The following SDS variants were observed in gnomAD, a reference collection of about 807,000 sequenced individuals.
SDS encodes the protein L-serine dehydratase/L-threonine deaminase.
In SDS, 19 loss-of-function variants were observed where a neutral mutation model predicts 29.3. The ratio of observed to expected loss-of-function variants is 0.65; its 90% CI spans 0.45 to 0.95. The LOEUF (loss-of-function observed/expected upper bound fraction) is 0.95. Ranked by LOEUF, SDS falls within the 40% of genes least tolerant of loss-of-function variation. The probability of loss-of-function intolerance (pLI) is 0.00; values close to 1 mark genes in which losing one functional copy is unlikely to be tolerated. For synonymous variants in SDS, 176 were observed against 189.0 expected, an observed-to-expected ratio of 0.93 and a Z score of 0.56; for missense variants, 375 against 439.9, an observed-to-expected ratio of 0.85 and a Z score of 1.32.
intron 1 of SDS, 68 bp from the exon 2 acceptor site, chr12:113,399,778 T>C (rs1224045253): frequency 7.3e-7 from 1 of 1,374,860 alleles, no homozygotes; most frequent in Middle Eastern, 2.7e-4. Flanking sequence ...GCCAGAGTGA[T>C]CCCTTCCTTC....
chr12:113,397,676 C>T (rs534247653), intron 5 of SDS, among the ~76,000 whole-genome samples: 5 of 152,286 alleles, frequency 3.3e-5, no homozygotes, highest in South Asian at 2.1e-4. Context: ...TCCCAGGGGG[C>T]GGGAAACTGC....
At chr12:113,400,379 A>G (rs1406662601) in intron 1 of SDS, among the ~76,000 whole-genome samples, 1 of 151,896 alleles carries the variant, frequency 6.6e-6, no homozygotes, top group Non-Finnish European at 1.5e-5. Context: ...AGGCTGAGGG[A>G]GGAGCATCAC....
chr12:113,403,832 T>C lies in SDS; in HGVS notation c.-67A>G, dbSNP rs56085361. On this transcript the variant is annotated 5_prime_UTR_variant, in exon 1 of 8. Coordinates refer to ENST00000257549, the MANE Select transcript of SDS (RefSeq NM_006843.3). ...GCCAGCGAGGGAGGGATCAACTGAG[T>C]AGATAGCCCACGAAGAGAGGGGGCT... 121 of 152,410 alleles carry C rather than the reference T, an allele frequency of 7.9e-4. No homozygotes were observed. The highest frequency in any genetic ancestry group is 1.5e-3 in the Non-Finnish European group (103 of 68,290). The allele number at this position is 152,410 out of a possible 1,614,324, so 9.4% of individuals were successfully genotyped here. A position where few individuals can be genotyped will look rare whatever the true frequency, so the allele number is the denominator to read the frequency against.
At position 113,399,589 on chromosome 12, in the gene SDS, G is replaced by A. The variant is rs753984744; in HGVS notation, c.120C>T (p.Phe40=). The A allele has an allele frequency of 1.8e-5, 29 of 1,601,394 alleles. 1 individual carries two copies. In the South Asian group the frequency reaches 3.3e-4, roughly 18 times the overall value. The change falls in exon 2 of 8, where the codon TTC becomes TTT. Residue 40 remains phenylalanine, a synonymous_variant. Coordinates refer to ENST00000257549, the MANE Select transcript of SDS (RefSeq NM_006843.3). ...KMDSAQPSGS[F]KIRGIGHFCK... ...AGAAGTGCCCAATGCCCCGGATCTT[G>A]AAGGAGCCGGAGGGCTGGGCACTGT...
At chr12:113,396,539 TCTCTC>T (rs1957646785) in intron 6 of SDS, 4 of 78,284 alleles carry the variant, frequency 5.1e-5, no homozygotes, top group African/African-American at 2.0e-4. Context: ...CCTCCCTCCC[TCTCTC>T]CCTTCCTTCC....
intron 7 of SDS, 98 bp downstream of exon 7, chr12:113,393,794 G>C: frequency 3.9e-6 from 6 of 1,521,836 alleles, no homozygotes; most frequent in Non-Finnish European, 5.4e-6. Flanking sequence ...AACTGTGAAG[G>C]AAACTTGGGG....
chr12:113,396,445 CTT>C (rs1174116833), intron 6 of SDS, among the ~76,000 whole-genome samples: 2 of 142,908 alleles, frequency 1.4e-5, no homozygotes, highest in East Asian at 2.1e-4. Context: ...CTTTCTTTTT[CTT>C]TCTCTCTTTC....
intron 6 of SDS, chr12:113,396,621 C>T (rs1957649052): frequency 7.5e-6 from 1 of 133,854 alleles, no homozygotes; most frequent in African/African-American, 2.8e-5. Context: ...CTCCCTCCCT[C>T]CCTCTCTCCC....
chr12:113,394,335 G>GTTGTTTT (rs766511468), intron 6 of SDS, among the ~76,000 whole-genome samples: 1 of 142,808 alleles, frequency 7.0e-6, no homozygotes, highest in Admixed American at 6.9e-5. Flanking sequence ...TTTTTTTGTT[G>GTTGTTTT]TTTTTTTGTT....
rs765950346 is a variant in SDS at position 113,397,149 on chromosome 12, C to A, written c.653+16G>T. The A allele has an allele frequency of 6.2e-7, 1 of 1,610,894 alleles. No individual in the cohort carries two copies. The highest frequency in any genetic ancestry group is 1.7e-5 in the Admixed American group (1 of 59,982). On this transcript the variant is annotated intron_variant, in intron 6 of 7. Transcript: ENST00000257549. Reference sequence around the variant, plus strand: ...GTGCTTGCTGGACACCCGAGGGAGGCACCCCAGCTGCTCACCTGGTGATCT... The same window carrying A: ...GTGCTTGCTGGACACCCGAGGGAGGAACCCCAGCTGCTCACCTGGTGATCT...
At position 113,397,200 on chromosome 12, in the gene SDS, G is replaced by A. The variant is rs780262006; in HGVS notation, c.618C>T (p.Thr206=). 1.4e-5 allele frequency: 22 copies of A among 1,614,068 alleles called. No homozygotes were observed. The highest frequency in any genetic ancestry group is 2.2e-5 in the East Asian group (1 of 44,900). Residue 206 remains threonine, a synonymous_variant, in exon 6 of 8, where the codon ACC becomes ACT. Transcript: ENST00000257549. ...FGAHSFHAAT[T]AGKLVSLPKI... is the part of the protein sequence containing the mutation. ...TGGGCAGGGAGACAAGTTTGCCTGC[G>A]GTGGTGGCAGCGTGGAAGCTGTGGG...
chr12:113,401,321 TATTA>T (rs1957683456), intron 1 of SDS, among the ~76,000 whole-genome samples: 1 of 152,244 alleles, frequency 6.6e-6, no homozygotes, highest in African/African-American at 2.4e-5. Flanking sequence ...CTTTCATAAT[TATTA>T]ATTTTGTCAT....
At chr12:113,394,047 G>A (rs376262267) in intron 6 of SDS, 31 bp from the exon 7 acceptor site, 2 of 1,611,952 alleles carry the variant, frequency 1.2e-6, no homozygotes, top group African/African-American at 2.7e-5. Context: ...GAAGAGGATG[G>A]GAGTGGGGGA....
rs1957667019 is a variant in SDS at position 113,398,948 on chromosome 12, C to T, written c.194-102G>A. Reference sequence around the variant, plus strand: ...GGGGGCTCTGGAGTTCCCCCCTCACCTCCCCACCCTGGGCGACTGCTGGCC... The same window carrying T: ...GGGGGCTCTGGAGTTCCCCCCTCACTTCCCCACCCTGGGCGACTGCTGGCC... On this transcript the variant is annotated intron_variant, in intron 3 of 7. Coordinates refer to ENST00000257549, the MANE Select transcript of SDS (RefSeq NM_006843.3). 9.2e-6 allele frequency: 14 copies of T among 1,523,582 alleles called. No homozygotes were observed. The South Asian group carries it at 1.6e-4, about 17-fold the overall frequency. 94.4% of individuals were successfully genotyped at this position (1,523,582 alleles called of 1,614,324 possible). A position where few individuals can be genotyped will look rare whatever the true frequency, so the allele number is the denominator to read the frequency against.
At chr12:113,399,805 A>G in intron 1 of SDS, 95 bp from the exon 2 acceptor site, 1 of 1,273,556 alleles carries the variant, frequency 7.9e-7, no homozygotes. Context: ...CAGCAAGCCA[A>G]GCAAGGCCTC....
chr12:113,399,738 G>A (rs1229390246), intron 1 of SDS, 28 bp from the exon 2 acceptor site: 4 of 1,519,302 alleles, frequency 2.6e-6, no homozygotes, highest in Admixed American at 2.1e-5. Context: ...AACCCAGAGG[G>A]TTAGGAGAGC....
chr12:113,396,010 A>T (rs1391968081), intron 6 of SDS, among the ~76,000 whole-genome samples: 1 of 152,170 alleles, frequency 6.6e-6, no homozygotes, highest in Non-Finnish European at 1.5e-5. Context: ...GAGGCAGGAG[A>T]ATCGCTTGAA....
chr12:113,393,204 G>C, intron 7 of SDS, 55 bp from the exon 8 acceptor site: 33 of 1,532,828 alleles, frequency 2.2e-5, no homozygotes, highest in Non-Finnish European at 2.8e-5. Context: ...GGGTGCACAG[G>C]AGCTGACAGG....
At chr12:113,398,068 T>A (rs943183773) in intron 5 of SDS, among the ~76,000 whole-genome samples, 1 of 151,202 alleles carries the variant, frequency 6.6e-6, no homozygotes, top group Non-Finnish European at 1.5e-5. Flanking sequence ...CTTCTTTTTT[T>A]TTTTTTTTGT....
Sources: gnomAD v4.1 joint callset for allele counts (sites outside exome capture counted in the v4.1 genomes callset) on GRCh38, gnomAD v4.1.1 for gene constraint, MANE v1.5 for transcripts, NCBI Gene and HGNC (gene_info 2026-07-23, HGNC 2026-07-21) for gene names.